The following PAG1 variants were observed in gnomAD, a reference collection of about 807,000 sequenced individuals.
PAG1 encodes the protein phosphoprotein associated with glycosphingolipid-enriched microdomains 1.
PAG1 carries 23 observed loss-of-function variants against 31.7 expected under a neutral mutation model. That is an observed-to-expected ratio of 0.73 (90% CI 0.52 to 1.03). The LOEUF is 1.03. Ranked by LOEUF, PAG1 falls within the 50% of genes least tolerant of loss-of-function variation. PAG1 has a pLI of 0.00. For synonymous variants in PAG1, 214 were observed against 210.3 expected, an observed-to-expected ratio of 1.02 and a Z score of -0.15; for missense variants, 473 against 540.7, an observed-to-expected ratio of 0.87 and a Z score of 1.24.
chr8:81,026,409 C>T (rs1039936154), intron 3 of PAG1, among the ~76,000 whole-genome samples: 3 of 149,490 alleles, frequency 2.0e-5, no homozygotes, highest in Admixed American at 6.7e-5. Flanking sequence ...ACTCCAATTT[C>T]CCTCGACCGA....
chr8:81,078,245 T>A (rs868812457), intron 1 of PAG1, among the ~76,000 whole-genome samples: 1 of 152,212 alleles, frequency 6.6e-6, no homozygotes, highest in South Asian at 2.1e-4. Flanking sequence ...TTAAAACCTA[T>A]TACTAAAGAC....
intron 1 of PAG1, among the ~76,000 whole-genome samples, chr8:81,075,328 A>T (rs189275350): frequency 1.3e-5 from 2 of 152,368 alleles, no homozygotes; most frequent in East Asian, 3.9e-4. Context: ...TGTGTATGAC[A>T]TTAGCATGAA....
chr8:81,101,432 A>G (rs1809608413), intron 1 of PAG1, among the ~76,000 whole-genome samples: 1 of 152,194 alleles, frequency 6.6e-6, no homozygotes, highest in African/African-American at 2.4e-5. Flanking sequence ...TAGCAAAACA[A>G]AGGAGTGGAC....
chr8:81,008,057 A>G (rs1807917111), intron 3 of PAG1, among the ~76,000 whole-genome samples: 1 of 149,784 alleles, frequency 6.7e-6, no homozygotes, highest in Non-Finnish European at 1.5e-5. Flanking sequence ...AAAAGAAGTT[A>G]GTATGTATCA....
intron 3 of PAG1, among the ~76,000 whole-genome samples, chr8:81,001,368 TTGG>T (rs1807781753): frequency 6.6e-6 from 1 of 152,232 alleles, no homozygotes; most frequent in South Asian, 2.1e-4. Flanking sequence ...GAAGTGCATA[TTGG>T]TCAGATCTTC....
Position 80,969,417 on chromosome 8 carries a change from A to G in PAG1, c.*7127T>C, listed in dbSNP as rs1807030635. ...GAAGGGCACTGCTGTCTTTCAGGGAAGCCTTCACTACCTAAATGAGGAGCT... is the reference window on the plus strand; with the variant it reads ...GAAGGGCACTGCTGTCTTTCAGGGAGGCCTTCACTACCTAAATGAGGAGCT... On this transcript the variant is annotated 3_prime_UTR_variant, in exon 9 of 9. Transcript: ENST00000220597. The G allele has an allele frequency of 6.6e-6, 1 of 152,178 alleles. No homozygotes were observed. The highest frequency in any genetic ancestry group is 2.4e-5 in the African/African-American group (1 of 41,452). 9.4% of individuals were successfully genotyped at this position (152,178 alleles called of 1,614,324 possible). A position where few individuals can be genotyped will look rare whatever the true frequency, so the allele number is the denominator to read the frequency against.
chr8:81,051,912 C>T (rs1044595300), intron 2 of PAG1, among the ~76,000 whole-genome samples: 5 of 152,040 alleles, frequency 3.3e-5, no homozygotes, highest in African/African-American at 4.8e-5. Context: ...GGGCGGATCA[C>T]GAGGTCAGGA....
intron 2 of PAG1, among the ~76,000 whole-genome samples, chr8:81,033,261 G>A (rs537369252): frequency 2.9e-4 from 44 of 152,266 alleles, no homozygotes; most frequent in Non-Finnish European, 5.9e-4. Flanking sequence ...TGGAATCATG[G>A]GAGTTGTTAC....
chr8:81,060,469 T>C (rs570841784), intron 2 of PAG1, among the ~76,000 whole-genome samples: 2 of 152,330 alleles, frequency 1.3e-5, no homozygotes, highest in East Asian at 3.9e-4. Context: ...ATTCCTGCTA[T>C]TCCATTCACA....
chr8:81,032,610 A>G (rs145873073), intron 2 of PAG1, among the ~76,000 whole-genome samples: 35 of 152,320 alleles, frequency 2.3e-4, no homozygotes, highest in African/African-American at 8.2e-4. Context: ...TCAGAACCCC[A>G]TGCCCTGCTG....
intron 1 of PAG1, among the ~76,000 whole-genome samples, chr8:81,085,143 T>A (rs1181878367): frequency 6.6e-6 from 1 of 152,224 alleles, no homozygotes; most frequent in Non-Finnish European, 1.5e-5. Context: ...TCTGATTTTA[T>A]GCTCCATGTG....
intron 3 of PAG1, among the ~76,000 whole-genome samples, chr8:81,018,809 C>T (rs1041061219): frequency 6.6e-6 from 1 of 152,160 alleles, no homozygotes; most frequent in Non-Finnish European, 1.5e-5. Context: ...CAGACTAATA[C>T]AGTAAATTGG....
At chr8:81,110,157 T>C (rs1455248622) in intron 1 of PAG1, among the ~76,000 whole-genome samples, 1 of 152,240 alleles carries the variant, frequency 6.6e-6, no homozygotes, top group Non-Finnish European at 1.5e-5. Flanking sequence ...TCAAAGATTA[T>C]GTAAATAAAT....
At chr8:81,039,533 C>G (rs1051575376) in intron 2 of PAG1, 3 of 152,230 alleles carry the variant, frequency 2.0e-5, no homozygotes, top group African/African-American at 7.2e-5. Context: ...CTCAGACTTG[C>G]AGCCTCCAGA....
chr8:81,033,656 A>T (rs1808416411), intron 2 of PAG1, among the ~76,000 whole-genome samples: 1 of 152,210 alleles, frequency 6.6e-6, no homozygotes, highest in African/African-American at 2.4e-5. Flanking sequence ...ACGGTTGGTG[A>T]CTTCTTAATA....
intron 3 of PAG1, among the ~76,000 whole-genome samples, chr8:81,003,013 T>C (rs1267630148): frequency 1.3e-5 from 2 of 152,202 alleles, no homozygotes; most frequent in African/African-American, 2.4e-5. Flanking sequence ...GACAGGGTCA[T>C]GGTTCTTGTA....
chr8:80,978,563 C>T (rs1327945791), intron 8 of PAG1, among the ~76,000 whole-genome samples: 1 of 152,176 alleles, frequency 6.6e-6, no homozygotes, highest in East Asian at 1.9e-4. Flanking sequence ...CAGCCCCTCA[C>T]CACCGTTAGC....
At chr8:80,999,258 T>G (rs1473585974) in intron 3 of PAG1, among the ~76,000 whole-genome samples, 1 of 152,236 alleles carries the variant, frequency 6.6e-6, no homozygotes, top group African/African-American at 2.4e-5. Context: ...AGATATTTAC[T>G]ATTCCATCCT....
In PAG1 at chr8:81,092,590, T is replaced by A. The variant is rs142167877; in HGVS notation, c.-234+19001A>T. 2.7e-3 allele frequency among the ~76,000 whole-genome samples: 408 copies of A among 152,350 alleles called. 3 individuals are homozygous for A. The highest frequency in any genetic ancestry group is 9.4e-3 in the African/African-American group (389 of 41,566). ...CTCTACAGATTCAGCAACATTAGCT[T>A]GATCCAAAATTGTATCCCTCGTCAT... On this transcript the variant is annotated intron_variant, in intron 1 of 8. Transcript: ENST00000220597.
Sources: gnomAD v4.1 joint callset for allele counts (sites outside exome capture counted in the v4.1 genomes callset) on GRCh38, gnomAD v4.1.1 for gene constraint, MANE v1.5 for transcripts, NCBI Gene and HGNC (gene_info 2026-07-23, HGNC 2026-07-21) for gene names.